WWOX: variants seen among roughly 807,000 people sequenced by gnomAD.
WWOX encodes the protein WW domain-containing oxidoreductase.
A neutral mutation model predicts 46.2 loss-of-function variants in WWOX; 69 were observed. That is an observed-to-expected ratio of 1.49 (90% CI 1.23 to 1.82). WWOX has a LOEUF of 1.82. WWOX is among the 40% of genes most tolerant of loss of function. The pLI is 0.00. For synonymous variants in WWOX, 359 were observed against 202.6 expected (o/e 1.77, Z -6.56); for missense variants, 919 against 542.6 (o/e 1.69, Z -6.89).
At chr16:78,831,236 A>T (rs1193603134) in intron 8 of WWOX, among the ~76,000 whole-genome samples, 1 of 152,064 alleles carries the variant, frequency 6.6e-6, no homozygotes, top group South Asian at 2.1e-4. Flanking sequence ...TCCAGCCCTC[A>T]TTTCCCCCTT....
intron 4 of WWOX, among the ~76,000 whole-genome samples, chr16:78,151,752 G>T (rs969441592): frequency 3.3e-5 from 5 of 152,206 alleles, no homozygotes; most frequent in African/African-American, 1.2e-4. Flanking sequence ...AAAAATGGAA[G>T]TAGCGTCGAC....
chr16:78,186,407 C>A (rs189274898), intron 5 of WWOX, among the ~76,000 whole-genome samples: 1 of 152,288 alleles, frequency 6.6e-6, no homozygotes, highest in Admixed American at 6.5e-5. Context: ...TTTAACCTGA[C>A]AGTTGATCAA....
intron 4 of WWOX, among the ~76,000 whole-genome samples, chr16:78,134,317 A>G (rs1236083453): frequency 6.6e-6 from 1 of 150,842 alleles, no homozygotes; most frequent in African/African-American, 2.5e-5. Context: ...ATTGCAGTCA[A>G]CAATAGTACA....
At chr16:78,682,193 C>T (rs548368199) in intron 8 of WWOX, among the ~76,000 whole-genome samples, 1 of 152,174 alleles carries the variant, frequency 6.6e-6, no homozygotes, top group Non-Finnish European at 1.5e-5. Context: ...GGATCTGCTA[C>T]AATCGCTTGA....
At chr16:78,450,287 AT>A (rs1857952982) in intron 8 of WWOX, among the ~76,000 whole-genome samples, 1 of 152,300 alleles carries the variant, frequency 6.6e-6, no homozygotes, top group Admixed American at 6.5e-5. Context: ...CTCTTGAATC[AT>A]TTACATTTTG....
At chr16:78,935,979 G>T (rs1053379735) in intron 8 of WWOX, among the ~76,000 whole-genome samples, 1 of 152,152 alleles carries the variant, frequency 6.6e-6, no homozygotes, top group East Asian at 1.9e-4. Flanking sequence ...TTGGAAGGGT[G>T]TGATGGGATT....
At chr16:78,432,773 G>C (rs199575390) in intron 8 of WWOX, 21 bp downstream of exon 8, 2 of 1,613,860 alleles carry the variant, frequency 1.2e-6, no homozygotes, top group Non-Finnish European at 1.7e-6. Flanking sequence ...AGCTTCTGGC[G>C]CCGCAAACAC....
chr16:78,903,496 A>C (rs1357838568), intron 8 of WWOX, among the ~76,000 whole-genome samples: 1 of 152,174 alleles, frequency 6.6e-6, no homozygotes, highest in African/African-American at 2.4e-5. Context: ...AAGCAAAACC[A>C]CTCAGAGGTA....
chr16:78,752,524 G>A (rs181328071), intron 8 of WWOX, among the ~76,000 whole-genome samples: 15 of 152,278 alleles, frequency 9.9e-5, no homozygotes, highest in Admixed American at 2.0e-4. Context: ...CTGACCTCAG[G>A]CTTCCCAAAG....
chr16:78,343,638 A>G (rs1729769981), intron 5 of WWOX, among the ~76,000 whole-genome samples: 1 of 120,602 alleles, frequency 8.3e-6, no homozygotes, highest in Non-Finnish European at 2.0e-5. Flanking sequence ...CATGGACAGT[A>G]TTTTAGTATA....
intron 8 of WWOX, among the ~76,000 whole-genome samples, chr16:78,462,133 G>C (rs1567587253): frequency 6.6e-6 from 1 of 152,216 alleles, no homozygotes; most frequent in South Asian, 2.1e-4. Context: ...AAGTTCCTCT[G>C]AGTATTACAG....
chr16:78,729,747 T>A (rs913085566), intron 8 of WWOX, among the ~76,000 whole-genome samples: 5 of 152,170 alleles, frequency 3.3e-5, no homozygotes, highest in Non-Finnish European at 7.3e-5. Flanking sequence ...AGCAAACTAA[T>A]GCAAATGGGC....
At chr16:78,606,060 C>T (rs969525606) in intron 8 of WWOX, among the ~76,000 whole-genome samples, 14 of 152,150 alleles carry the variant, frequency 9.2e-5, no homozygotes, top group African/African-American at 3.4e-4. Flanking sequence ...ACGAGGGATG[C>T]CCTCCCAAAT....
chr16:78,349,230 T>C (rs2081145896), intron 5 of WWOX, among the ~76,000 whole-genome samples: 1 of 119,570 alleles, frequency 8.4e-6, no homozygotes, highest in South Asian at 2.5e-4. Flanking sequence ...GTCCTCTTCT[T>C]TGAAGGACAC....
At chr16:78,224,062 G>A (rs771654509) in intron 5 of WWOX, among the ~76,000 whole-genome samples, 4 of 152,074 alleles carry the variant, frequency 2.6e-5, no homozygotes, top group Non-Finnish European at 5.9e-5. Flanking sequence ...GGAATGCAGT[G>A]GGGTGATCTC....
intron 8 of WWOX, among the ~76,000 whole-genome samples, chr16:78,591,546 A>G (rs1157823629): frequency 1.3e-5 from 2 of 152,172 alleles, no homozygotes; most frequent in East Asian, 1.9e-4. Flanking sequence ...ACAGATAACA[A>G]TGTTAACATC....
chr16:78,700,200 G>T (rs1305973140), intron 8 of WWOX, among the ~76,000 whole-genome samples: 2 of 150,098 alleles, frequency 1.3e-5, no homozygotes, highest in African/African-American at 2.5e-5. Flanking sequence ...TTTTCTCCCA[G>T]TTCTGGAGGC....
chr16:78,380,330 C>T (rs558610246), intron 5 of WWOX, among the ~76,000 whole-genome samples: 1 of 152,182 alleles, frequency 6.6e-6, no homozygotes, highest in Non-Finnish European at 1.5e-5. Context: ...CAGTTATTAT[C>T]TTGATGCGGC....
At chr16:78,262,198 A>G (rs2151838244) in intron 5 of WWOX, among the ~76,000 whole-genome samples, 1 of 151,764 alleles carries the variant, frequency 6.6e-6, no homozygotes, top group East Asian at 2.0e-4. Context: ...TGGATTTAAA[A>G]TTACTTTTTA....
Sources: gnomAD v4.1 joint callset for allele counts (sites outside exome capture counted in the v4.1 genomes callset) on GRCh38, gnomAD v4.1.1 for gene constraint, MANE v1.5 for transcripts, NCBI Gene and HGNC (gene_info 2026-07-23, HGNC 2026-07-21) for gene names.